Variants in DNASE1 observed in about 807,000 individuals in gnomAD.
DNASE1 encodes deoxyribonuclease 1, also known as deoxyribonuclease-1.
A neutral mutation model predicts 33.9 loss-of-function variants in DNASE1; 40 were observed. That is an observed-to-expected ratio of 1.18 (90% confidence interval 0.92 to 1.54). DNASE1 has a LOEUF of 1.54. DNASE1 is among the 40% of genes most tolerant of loss of function. DNASE1 has a pLI of 0.00. For missense variants in DNASE1, 518 were observed against 372.6 expected, an observed-to-expected ratio of 1.39 and a Z score of -3.21; for synonymous variants, 216 against 160.0, an observed-to-expected ratio of 1.35 and a Z score of -2.64.
At chr16:3,655,745 A>T in intron 2 of DNASE1, 104 bp from the exon 3 acceptor site, 1 of 1,490,458 alleles carries the variant, frequency 6.7e-7, no homozygotes, top group Non-Finnish European at 9.3e-7. Flanking sequence ...GGCTGCGGTT[A>T]AACCGAGCAA....
chr16:3,657,323 C>A lies in DNASE1; in HGVS notation c.686C>A (p.Thr229Lys). ...PDSADTTATPTHCAYDRIVVA... is the reference protein window; with the variant it reads ...PDSADTTATPKHCAYDRIVVA... Reference sequence around the variant, plus strand: ...AGCGCTGACACCACAGCTACACCCACGCACTGTGCCTATGACAGGTGAGCA... The same window carrying A: ...AGCGCTGACACCACAGCTACACCCAAGCACTGTGCCTATGACAGGTGAGCA... The change falls in exon 7 of 9, where the codon ACG becomes AAG. Residue 229 changes from threonine (T) to lysine (K), a missense_variant. Transcript: ENST00000246949. 2 of 1,613,572 alleles carry A rather than the reference C, an allele frequency of 1.2e-6. No individual in the cohort carries two copies. The highest frequency in any genetic ancestry group is 1.7e-6 in the Non-Finnish European group (2 of 1,180,034).
At chr16:3,645,664 C>CCATA (rs1472553804) in intron 1 of DNASE1, among the ~76,000 whole-genome samples, 1 of 152,192 alleles carries the variant, frequency 6.6e-6, no homozygotes, top group East Asian at 1.9e-4. Flanking sequence ...TGCTGACATT[C>CCATA]CATAGCAGGC....
chr16:3,632,445 T>C (rs1345321804), intron 1 of DNASE1, among the ~76,000 whole-genome samples: 1 of 152,216 alleles, frequency 6.6e-6, no homozygotes, highest in Non-Finnish European at 1.5e-5. Context: ...GAAATACTCC[T>C]TTATAATTTT....
chr16:3,640,108 C>T (rs1260582677), upstream of DNASE1, among the ~76,000 whole-genome samples: 2 of 152,136 alleles, frequency 1.3e-5, no homozygotes, highest in African/African-American at 2.4e-5. Flanking sequence ...ACCCAATACC[C>T]CACGAATTAG....
chr16:3,626,002 A>AG (rs2041497814), intron 1 of DNASE1, among the ~76,000 whole-genome samples: 2 of 152,034 alleles, frequency 1.3e-5, no homozygotes, highest in Non-Finnish European at 2.9e-5. Flanking sequence ...CTGGAAGCTG[A>AG]GGTGGGAAGA....
chr16:3,619,985 G>T (rs185677819), intron 1 of DNASE1, among the ~76,000 whole-genome samples: 2 of 142,088 alleles, frequency 1.4e-5, no homozygotes, highest in South Asian at 2.2e-4. Flanking sequence ...GCATAATCTC[G>T]CCTCACTGCA....
At chr16:3,620,903 C>T (rs543260850) in intron 1 of DNASE1, among the ~76,000 whole-genome samples, 12 of 152,114 alleles carry the variant, frequency 7.9e-5, no homozygotes, top group Non-Finnish European at 1.2e-4. Flanking sequence ...CAGGTTCAAG[C>T]GATTCTCCTG....
At chr16:3,657,580 G>C in intron 7 of DNASE1, 140 bp from the exon 8 acceptor site, 2 of 1,274,730 alleles carry the variant, frequency 1.6e-6, no homozygotes, top group Non-Finnish European at 2.2e-6. Context: ...ACATTGAGGG[G>C]CACAGACCAG....
At chr16:3,619,653 G>A (rs932435154) in intron 1 of DNASE1, among the ~76,000 whole-genome samples, 23 of 152,062 alleles carry the variant, frequency 1.5e-4, no homozygotes, top group African/African-American at 4.3e-4. Flanking sequence ...GAGCCACTGT[G>A]CCTGGCCGCC....
upstream of DNASE1, chr16:3,653,842 CTG>C (rs2042435571): frequency 1.2e-5 from 1 of 83,656 alleles, no homozygotes; most frequent in Non-Finnish European, 2.1e-5. Context: ...AAAAAAAAAA[CTG>C]AGCATGGTAG....
intron 1 of DNASE1, among the ~76,000 whole-genome samples, chr16:3,647,283 CTTTTT>C (rs2042203011): frequency 1.2e-5 from 1 of 83,950 alleles, no homozygotes; most frequent in African/African-American, 4.4e-5. Flanking sequence ...TTTTTTTTTT[CTTTTT>C]GAGACAAGGT....
At chr16:3,621,784 G>A (rs2041322934) in intron 1 of DNASE1, among the ~76,000 whole-genome samples, 1 of 152,150 alleles carries the variant, frequency 6.6e-6, no homozygotes, top group African/African-American at 2.4e-5. Context: ...AATGGCTAAT[G>A]GTGCATTGAA....
chr16:3,654,280 G>A (rs908014086), upstream of DNASE1: 1 of 398,132 alleles, frequency 2.5e-6, no homozygotes, highest in Non-Finnish European at 4.4e-6. Context: ...TGGCAATTGG[G>A]GTGGGCTTTG....
At chr16:3,612,643 A>T (rs569954826) in intron 1 of DNASE1, among the ~76,000 whole-genome samples, 1 of 148,844 alleles carries the variant, frequency 6.7e-6, no homozygotes, top group Non-Finnish European at 1.5e-5. Flanking sequence ...CCCTGGCCGC[A>T]AGAGATCCTC....
chr16:3,650,900 A>G (rs2042314405), upstream of DNASE1: 1 of 152,224 alleles, frequency 6.6e-6, no homozygotes, highest in Non-Finnish European at 1.5e-5. Context: ...TGGCAGAGAG[A>G]GGGAAGATAC....
chr16:3,647,019 A>G (rs1649939262), intron 1 of DNASE1, among the ~76,000 whole-genome samples: 1 of 152,044 alleles, frequency 6.6e-6, no homozygotes, highest in South Asian at 2.1e-4. Flanking sequence ...CTGAGGGGAG[A>G]TGTCCCAGCC....
intron 1 of DNASE1, among the ~76,000 whole-genome samples, chr16:3,644,078 G>A (rs2042100444): frequency 6.6e-6 from 1 of 152,188 alleles, no homozygotes; most frequent in African/African-American, 2.4e-5. Context: ...TAAGATGATG[G>A]ATTGTTTCAT....
intron 1 of DNASE1, among the ~76,000 whole-genome samples, chr16:3,613,863 T>C (rs889796699): frequency 6.6e-6 from 1 of 151,140 alleles, no homozygotes; most frequent in Admixed American, 6.6e-5. Context: ...TGCCTCAGCC[T>C]CCGGAGTAGC....
At chr16:3,633,420 A>C (rs1456662319) in intron 1 of DNASE1, among the ~76,000 whole-genome samples, 2 of 152,160 alleles carry the variant, frequency 1.3e-5, no homozygotes, top group Non-Finnish European at 2.9e-5. Flanking sequence ...CAGCCTTGCT[A>C]ACATGGTGAA....
Sources: gnomAD v4.1 joint callset for allele counts (sites outside exome capture counted in the v4.1 genomes callset) on GRCh38, gnomAD v4.1.1 for gene constraint, MANE v1.5 for transcripts, NCBI Gene and HGNC (gene_info 2026-07-23, HGNC 2026-07-21) for gene names.